The following ABTB1 variants were observed in gnomAD, a reference collection of about 807,000 sequenced individuals.
ABTB1 encodes ankyrin repeat and BTB/POZ domain-containing protein 1.
In ABTB1, 45 loss-of-function variants were observed where a neutral mutation model predicts 57.1. That is an observed-to-expected ratio of 0.79 (90% CI 0.62 to 1.01). The LOEUF (loss-of-function observed/expected upper bound fraction) is 1.01. ABTB1 is among the 50% of genes least tolerant of loss of function. The pLI is 0.00. For synonymous variants in ABTB1, 302 were observed against 275.4 expected (o/e 1.10, Z -0.95); for missense variants, 630 against 666.3 (o/e 0.95, Z 0.60).
At chr3:127,674,739 A>T (rs2074938327) in intron 3 of ABTB1, 139 bp downstream of exon 3, 1 of 1,038,160 alleles carries the variant, frequency 9.6e-7, no homozygotes, top group Non-Finnish European at 1.5e-6. Flanking sequence ...CACCCAGTCG[A>T]ATCAGCAAGT....
In ABTB1 at chr3:127,674,370, T is replaced by C. The variant is rs1179209719; in HGVS notation, c.57-21T>C. 7 of 1,599,216 alleles carry C rather than the reference T, an allele frequency of 4.4e-6. No homozygotes were observed. In the East Asian group the frequency reaches 1.1e-4, roughly 26 times the overall value. On this transcript the variant is annotated intron_variant, in intron 1 of 11. Coordinates refer to ENST00000232744, the MANE Select transcript of ABTB1 (RefSeq NM_172027.3). The stretch of plus-strand genomic sequence containing the variant: ...ACCATGAACCCGTCCTGACCCAGGC[T>C]CTGACCTCCTTCCTGCCCAGGTACC...
Position 127,676,344 on chromosome 3 carries a change from C to A in ABTB1, c.393C>A (p.Cys131Ter). 1.2e-6 allele frequency: 2 copies of A among 1,614,162 alleles called. No homozygotes were observed. Among genetic ancestry groups the A allele is most frequent in the East Asian group, 2.2e-5 (1 of 44,876 alleles). Reference protein sequence around the residue: ...VHGKPFRVHRCVLGARSAYFA... With the variant: ...VHGKPFRVHR Reference sequence around the variant, plus strand: ...GGAAGCCATTCCGGGTGCATCGCTGCGTCCTGGGTGCACGTAGTGCCTACT... The same window carrying A: ...GGAAGCCATTCCGGGTGCATCGCTGAGTCCTGGGTGCACGTAGTGCCTACT... The change falls in exon 5 of 12, where the codon TGC becomes TGA. Residue 131 changes from cysteine (C) to a stop codon, truncating the protein, a stop_gained. Coordinates refer to ENST00000232744, the MANE Select transcript of ABTB1 (RefSeq NM_172027.3). LOFTEE classifies it high-confidence loss of function. This position sits in a 1 kb window ranked among gnomAD's most constrained non-coding sequence, Gnocchi z 5.4.
intron 7 of ABTB1, 26 bp downstream of exon 7, chr3:127,677,109 GC>G: frequency 6.2e-7 from 1 of 1,613,692 alleles, no homozygotes; most frequent in Non-Finnish European, 8.5e-7. Flanking sequence ...GGGGCCCGGG[GC>G]CATGGGTGCG....
chr3:127,677,493 G>A lies in ABTB1; in HGVS notation c.791G>A (p.Cys264Tyr). The stretch of plus-strand genomic sequence containing the variant: ...GATCTTTGGGAGCTGCCCTTCCCTT[G>A]TCCTGACGGCTTCAACAGCTGCCCT... ...RGDLWELPFP[C>Y]PDGFNSCPDI... is the part of the protein sequence containing the mutation. The change falls in exon 9 of 12, where the codon TGT (cysteine) becomes TAT (tyrosine). Residue 264 changes from cysteine (C) to tyrosine (Y), a missense_variant. Around this residue, in one of 3 missense-constraint regions of ABTB1, gnomAD observed 579 missense variants for 585.9 expected, o/e 0.99. Transcript: ENST00000232744. 6.2e-7 allele frequency: 1 copy of A among 1,614,136 alleles called. No homozygotes were observed. Among genetic ancestry groups the A allele is most frequent in the Non-Finnish European group, 8.5e-7 (1 of 1,180,020 alleles).
In ABTB1 at chr3:127,676,830, G is replaced by T; in HGVS notation, c.527-137G>T. The T allele has an allele frequency of 2.1e-6, 2 of 942,726 alleles. No individual in the cohort carries two copies. Among genetic ancestry groups the T allele is most frequent in the East Asian group, 2.6e-5 (1 of 38,272 alleles). The allele number at this position is 942,726 out of a possible 1,614,324, so 58.4% of individuals were successfully genotyped here. A position where few individuals can be genotyped will look rare whatever the true frequency, so the allele number is the denominator to read the frequency against. On this transcript the variant is annotated intron_variant, in intron 6 of 11. Transcript: ENST00000232744. This position sits in a 1 kb window ranked among gnomAD's most constrained non-coding sequence, Gnocchi z 5.4. ...GGGGCCTGTAGAACAGCTTTTGATG[G>T]GGAAACCATGGTGGCAAGTGGGCCC... is the stretch of plus-strand genomic sequence containing the variant.
intron 10 of ABTB1, chr3:127,678,293 T>TGA (rs112507204): frequency 7.6e-5 from 14 of 183,894 alleles, no homozygotes; most frequent in Middle Eastern, 2.5e-3. Context: ...CCAGGGTGTG[T>TGA]GAGAGAGAGA....
At chr3:127,673,806 G>C (rs2074909325) in intron 1 of ABTB1, among the ~76,000 whole-genome samples, 1 of 152,242 alleles carries the variant, frequency 6.6e-6, no homozygotes. Flanking sequence ...TTAGTGCATA[G>C]TGTCAACGCT....
rs1158283607 is a variant in ABTB1 at position 127,677,718 on chromosome 3, G to A, written c.904G>A (p.Asp302Asn). 1 of 1,609,834 alleles carries A rather than the reference G, an allele frequency of 6.2e-7. No homozygotes were observed. The highest frequency in any genetic ancestry group is 2.2e-5 in the East Asian group (1 of 44,810). ...GRSDYFRALL[D>N]DHFRESEEPA... ...CAGTGACTACTTCCGAGCCCTGCTG[G>A]ATGACCACTTCCGAGAGAGCGAGGA... Residue 302 changes from aspartate (D) to asparagine (N), a missense_variant, in exon 10 of 12, where the codon GAT becomes AAT. Asp to Asn is a conservative substitution (Grantham distance 23, BLOSUM62 1). This residue lies in a region of ABTB1 where 579 missense variants were observed against 585.9 expected (regional missense o/e 0.99). Transcript: ENST00000232744.
chr3:127,677,545 C>T lies in ABTB1; in HGVS notation c.843C>T (p.Cys281=), dbSNP rs1439550606. The change falls in exon 9 of 12, where the codon TGC becomes TGT. Residue 281 remains cysteine, a synonymous_variant. Coordinates refer to ENST00000232744, the MANE Select transcript of ABTB1 (RefSeq NM_172027.3). ...CPDICFRVAG[C]SFLCHKAFFC... ...ACATCTGCTTCCGAGTGGCTGGCTG[C>T]AGCTTCCTCTGCCACAAGGTGCCTG... 1 of 1,613,968 alleles carries T rather than the reference C, an allele frequency of 6.2e-7. No individual in the cohort carries two copies.
rs2074982266 is a variant in ABTB1, at chr3:127,676,324, C to G, written c.373C>G (p.Pro125Ala). 4.3e-6 allele frequency: 7 copies of G among 1,614,138 alleles called. No homozygotes were observed. Among genetic ancestry groups the G allele is most frequent in the Non-Finnish European group, 5.1e-6 (6 of 1,180,012 alleles). ...CGTGGTCTTTGTAGTACACGGGAAG[C>G]CATTCCGGGTGCATCGCTGCGTCCT... ...SDVVFVVHGK[P>A]FRVHRCVLGA... is the part of the protein sequence containing the mutation. The change falls in exon 5 of 12, where the codon CCA becomes GCA. Residue 125 changes from proline (P) to alanine (A), a missense_variant. Pro to Ala is a conservative substitution (Grantham distance 27, BLOSUM62 -1). This residue lies in a region of ABTB1 where 579 missense variants were observed against 585.9 expected (regional missense o/e 0.99). Coordinates refer to ENST00000232744, the MANE Select transcript of ABTB1 (RefSeq NM_172027.3). The surrounding 1 kb of genome is among the most constrained non-coding windows in gnomAD (Gnocchi z 5.4).
At chr3:127,678,945 C>A (rs1006473029) in intron 10 of ABTB1, 2 of 153,194 alleles carry the variant, frequency 1.3e-5, no homozygotes, top group African/African-American at 4.8e-5. Context: ...GCTCTATCTC[C>A]AGTGGCAGCT....
At position 127,676,432 on chromosome 3, in the gene ABTB1, G is replaced by T; in HGVS notation, c.480+1G>T. ...TGTCGTGGTTCTCAGGCACCCACTG[G>T]TATGTCCCTTCAGGGTGGCAGAGGG... On this transcript the variant is annotated splice_donor_variant, in intron 5 of 11. Transcript: ENST00000232744. LOFTEE classifies it high-confidence loss of function. The surrounding 1 kb of genome is among the most constrained non-coding windows in gnomAD (Gnocchi z 5.4). The T allele has an allele frequency of 1.2e-6, 2 of 1,614,068 alleles. No homozygotes were observed.
intron 10 of ABTB1, chr3:127,678,374 A>C (rs2075040209): frequency 1.3e-5 from 2 of 152,764 alleles, no homozygotes; most frequent in Admixed American, 1.3e-4. Context: ...CTTAAAGAAG[A>C]GGGGAGTTTG....
In ABTB1 at chr3:127,676,718, G is replaced by A. The variant is rs2074991941; in HGVS notation, c.526+137G>A. 4.3e-6 allele frequency: 5 copies of A among 1,165,712 alleles called. No homozygotes were observed. The highest frequency in any genetic ancestry group is 2.5e-5 in the East Asian group (1 of 40,306). 72.2% of individuals were successfully genotyped at this position (1,165,712 alleles called of 1,614,324 possible). A position where few individuals can be genotyped will look rare whatever the true frequency, so the allele number is the denominator to read the frequency against. On this transcript the variant is annotated intron_variant, in intron 6 of 11. Transcript: ENST00000232744. The surrounding 1 kb of genome is among the most constrained non-coding windows in gnomAD (Gnocchi z 5.4). Reference sequence around the variant, plus strand: ...CCCGGGGTGGTTCCAGCTGCCTCTCGGGTTGGGTTGCAAGAGAGAGGACTA... The same window carrying A: ...CCCGGGGTGGTTCCAGCTGCCTCTCAGGTTGGGTTGCAAGAGAGAGGACTA...
chr3:127,679,591 G>A lies in ABTB1; in HGVS notation c.1030-394G>A, dbSNP rs554458272. The stretch of plus-strand genomic sequence containing the variant: ...CTGACAGCCCCCGCAGGTAGGCATG[G>A]TTATCTATACCTCATGGACTGGGAA... On this transcript the variant is annotated intron_variant, in intron 10 of 11. Transcript: ENST00000232744. The A allele has an allele frequency of 1.4e-4, 67 of 469,232 alleles. 1 individual carries two copies. The highest frequency in any genetic ancestry group is 1.0e-3 in the South Asian group (65 of 64,656). The allele number at this position is 469,232 out of a possible 1,614,324, so 29.1% of individuals were successfully genotyped here.
chr3:127,679,564 T>C (rs1213391668), intron 10 of ABTB1: 1 of 460,962 alleles, frequency 2.2e-6, no homozygotes, highest in Non-Finnish European at 4.3e-6. Context: ...TGTCCCACCA[T>C]TCTGACAGCC....
At position 127,677,738 on chromosome 3, in the gene ABTB1, C is replaced by T. The variant is rs146406722; in HGVS notation, c.924C>T (p.Ser308=). The T allele has an allele frequency of 6.2e-6, 10 of 1,610,212 alleles. No individual in the cohort carries two copies. In the Admixed American group the frequency reaches 6.7e-5, roughly 11 times the overall value. ...RALLDDHFRE[S]EEPATSGGPP... is the part of the protein sequence containing the mutation. ...TGCTGGATGACCACTTCCGAGAGAG[C>T]GAGGAGCCAGCGACCTCAGGGGGCC... The change falls in exon 10 of 12, where the codon AGC becomes AGT. Residue 308 remains serine (S), a synonymous_variant. Transcript: ENST00000232744.
chr3:127,674,403 G>A lies in ABTB1; in HGVS notation c.69G>A (p.Glu23=), dbSNP rs769185428. 1.2e-5 allele frequency: 20 copies of A among 1,606,762 alleles called. No homozygotes were observed. Among genetic ancestry groups the A allele is most frequent in the Non-Finnish European group, 1.7e-5 (20 of 1,176,962 alleles). Residue 23 remains glutamate, a synonymous_variant, in exon 2 of 12, where the codon GAG becomes GAA. Transcript: ENST00000232744. Reference sequence around the variant, plus strand: ...CCTTCCTGCCCAGGTACCTGCTGGAGCAGCGAGACGTGGAGGTGAATGTGC... The same window carrying A: ...CCTTCCTGCCCAGGTACCTGCTGGAACAGCGAGACGTGGAGGTGAATGTGC... ...GDVGRVRYLL[E]QRDVEVNVRD... is the part of the protein sequence containing the mutation.
rs770506421 is a variant in ABTB1 at position 127,676,059 on chromosome 3, A to G, written c.265A>G (p.Lys89Glu). Reference protein sequence around the residue: ...DPIRRALRDYKQVTASCRRRD... With the variant: ...DPIRRALRDYEQVTASCRRRD... ...CATCCGCCGGGCTCTACGCGATTAC[A>G]AGCAGGTCACGGCTTCCTGCAGGAG... Residue 89 changes from lysine (K) to glutamate (E), a missense_variant, in exon 4 of 12, where the codon AAG (lysine) becomes GAG (glutamate). Around this residue, in one of 3 missense-constraint regions of ABTB1, gnomAD observed 579 missense variants for 585.9 expected, o/e 0.99. Coordinates refer to ENST00000232744, the MANE Select transcript of ABTB1 (RefSeq NM_172027.3). This position sits in a 1 kb window ranked among gnomAD's most constrained non-coding sequence, Gnocchi z 5.4. The G allele has an allele frequency of 1.2e-6, 2 of 1,613,314 alleles. No individual in the cohort carries two copies. The highest frequency in any genetic ancestry group is 1.7e-5 in the Admixed American group (1 of 60,012).
Sources: allele counts gnomAD v4.1 joint callset (sites outside exome capture counted in the v4.1 genomes callset), GRCh38; gene constraint gnomAD v4.1.1; regional missense constraint gnomAD v4.1.1; non-coding constraint Gnocchi (gnomAD v3.1); transcripts MANE v1.5; gene names NCBI Gene and HGNC (gene_info 2026-07-23, HGNC 2026-07-21).